Variants in B3GLCT observed in about 807,000 individuals in gnomAD.
The protein encoded by B3GLCT is beta 3-glucosyltransferase, also known as beta-1,3-glucosyltransferase.
B3GLCT carries 65 observed loss-of-function variants against 63.4 expected under a neutral mutation model. That is an observed-to-expected ratio of 1.03 (90% CI 0.84 to 1.26). The LOEUF is 1.26. Ranked by LOEUF, B3GLCT falls within the 50% of genes most tolerant of loss-of-function variation. B3GLCT has a pLI of 0.00. For synonymous variants in B3GLCT, 233 were observed against 219.2 expected, an observed-to-expected ratio of 1.06 and a Z score of -0.55; for missense variants, 577 against 604.8, an observed-to-expected ratio of 0.95 and a Z score of 0.48.
chr13:31,309,714 A>G (rs1477163982), intron 12 of B3GLCT, among the ~76,000 whole-genome samples: 1 of 152,232 alleles, frequency 6.6e-6, no homozygotes, highest in Non-Finnish European at 1.5e-5. Flanking sequence ...AGGAATCTGC[A>G]CATGTTTAGC....
chr13:31,277,855 A>G (rs1296975330), intron 10 of B3GLCT, among the ~76,000 whole-genome samples: 2 of 152,212 alleles, frequency 1.3e-5, no homozygotes, highest in African/African-American at 4.8e-5. Context: ...CTATTAAATC[A>G]GTCTATATGA....
At chr13:31,223,143 C>T (rs956898241) in intron 3 of B3GLCT, 152 bp downstream of exon 3, 2 of 629,238 alleles carry the variant, frequency 3.2e-6, no homozygotes, top group Non-Finnish European at 5.6e-6. Context: ...CGTTTGCTCT[C>T]CTGAAGATGT....
chr13:31,212,425 C>T (rs960454026), intron 1 of B3GLCT, among the ~76,000 whole-genome samples: 1 of 152,022 alleles, frequency 6.6e-6, no homozygotes, highest in African/African-American at 2.4e-5. Flanking sequence ...CAGACATCTG[C>T]CACCATGCCT....
At chr13:31,324,241 C>A (rs944318291) in intron 14 of B3GLCT, among the ~76,000 whole-genome samples, 4 of 152,230 alleles carry the variant, frequency 2.6e-5, no homozygotes, top group Non-Finnish European at 5.9e-5. Flanking sequence ...ATATATAGGA[C>A]TGACCTAATA....
rs771402098 is a variant in B3GLCT, at chr13:31,229,311, G to A, written c.270+17G>A. On this transcript the variant is annotated intron_variant, in intron 4 of 14. Transcript: ENST00000343307. ...CTTACACAGGTACGTAGCGATGGCT[G>A]GGGGGTCTGCCAGTTATGTATTTCT... The A allele has an allele frequency of 2.1e-6, 3 of 1,412,564 alleles. No individual in the cohort carries two copies. Among genetic ancestry groups the A allele is most frequent in the South Asian group, 1.2e-5 (1 of 86,926 alleles). 87.5% of individuals were successfully genotyped at this position (1,412,564 alleles called of 1,614,324 possible). A position where few individuals can be genotyped will look rare whatever the true frequency, so the allele number is the denominator to read the frequency against.
At position 31,241,237 on chromosome 13, in the gene B3GLCT, G is replaced by A. The variant is rs530325871; in HGVS notation, c.271-5786G>A. On this transcript the variant is annotated intron_variant, in intron 4 of 14. Coordinates refer to ENST00000343307, the MANE Select transcript of B3GLCT (RefSeq NM_194318.4). ...TGGGGCTCAGCCCATTAAGGCAGACGGAGGCCAGGTGCTCGGGCTTCCCAA... is the reference window on the plus strand; with the variant it reads ...TGGGGCTCAGCCCATTAAGGCAGACAGAGGCCAGGTGCTCGGGCTTCCCAA... 6.6e-5 allele frequency among the ~76,000 whole-genome samples: 10 copies of A among 152,354 alleles called. No homozygotes were observed. The South Asian group carries it at 1.4e-3, about 22-fold the overall frequency.
chr13:31,317,060 C>G (rs751662160), intron 12 of B3GLCT, among the ~76,000 whole-genome samples: 2 of 152,246 alleles, frequency 1.3e-5, no homozygotes, highest in African/African-American at 4.8e-5. Context: ...GATAGCCTCA[C>G]TGCCCAAATT....
At chr13:31,220,631 C>T (rs1289484658) in intron 2 of B3GLCT, among the ~76,000 whole-genome samples, 1 of 152,164 alleles carries the variant, frequency 6.6e-6, no homozygotes, top group Non-Finnish European at 1.5e-5. Flanking sequence ...TAGTCAAGAC[C>T]ATTTTGGTTC....
In B3GLCT at chr13:31,316,407, TTATATATATATA is replaced by T. The variant is rs71099949; in HGVS notation, c.1065-1146_1065-1135del. Among the ~76,000 whole-genome samples, 13 of 40,868 alleles carry T rather than the reference TTATATATATATA, an allele frequency of 3.2e-4. 3 individuals carry two copies. Among genetic ancestry groups the T allele is most frequent in the South Asian group, 1.2e-3 (1 of 844 alleles). 26.8% of individuals were successfully genotyped at this position (40,868 alleles called of 152,430 possible). On this transcript the variant is annotated intron_variant, in intron 12 of 14. Coordinates refer to ENST00000343307, the MANE Select transcript of B3GLCT (RefSeq NM_194318.4). Reference sequence around the variant, plus strand: ...TGGAATCAAGGAGATTTTGGAGGTTTTATATATATATATATATATATATAAATTTTTTTTTTT... The same window carrying T: ...TGGAATCAAGGAGATTTTGGAGGTTTTATATATATATAAATTTTTTTTTTT...
intron 10 of B3GLCT, 73 bp downstream of exon 10, chr13:31,276,844 T>C: frequency 8.7e-7 from 1 of 1,152,100 alleles, no homozygotes; most frequent in Non-Finnish European, 1.3e-6. Context: ...ACCAATGAAT[T>C]CTTGAGTGTA....
intron 6 of B3GLCT, among the ~76,000 whole-genome samples, chr13:31,253,618 A>AAAAAAAAAAAAAAAAAAAACAAAC (rs1555249042): frequency 3.6e-5 from 3 of 82,266 alleles, no homozygotes; most frequent in Non-Finnish European, 7.0e-5. Context: ...AAAAAAAAAA[A>AAAAAAAAAAAAAAAAAAAACAAAC]AAACTAGAGA....
intron 2 of B3GLCT, among the ~76,000 whole-genome samples, chr13:31,220,285 G>A (rs1869753183): frequency 6.6e-6 from 1 of 152,216 alleles, no homozygotes; most frequent in South Asian, 2.1e-4. Context: ...TGCAAGTGTT[G>A]TTCAAATCTT....
chr13:31,236,198 G>A (rs574876815), intron 4 of B3GLCT, among the ~76,000 whole-genome samples: 2 of 152,314 alleles, frequency 1.3e-5, no homozygotes, highest in Non-Finnish European at 2.9e-5. Flanking sequence ...AACACACACA[G>A]CATTAGAACC....
intron 4 of B3GLCT, among the ~76,000 whole-genome samples, chr13:31,231,954 C>T (rs754567936): frequency 6.6e-6 from 1 of 152,104 alleles, no homozygotes; most frequent in Non-Finnish European, 1.5e-5. Context: ...CTGAACTTGG[C>T]AGTTGTATTT....
At chr13:31,235,586 CCTGA>C (rs1388459227) in intron 4 of B3GLCT, among the ~76,000 whole-genome samples, 1 of 152,126 alleles carries the variant, frequency 6.6e-6, no homozygotes, top group Non-Finnish European at 1.5e-5. Flanking sequence ...TCTCAGACTG[CCTGA>C]CTAATTGGGA....
At chr13:31,321,065 C>T (rs889276200) in intron 13 of B3GLCT, among the ~76,000 whole-genome samples, 29 of 152,220 alleles carry the variant, frequency 1.9e-4, no homozygotes, top group African/African-American at 6.8e-4. Context: ...AAGGCAACAC[C>T]TGTGTGTTTC....
chr13:31,327,110 T>C (rs1185801131), intron 14 of B3GLCT, among the ~76,000 whole-genome samples: 3 of 152,228 alleles, frequency 2.0e-5, no homozygotes, highest in Non-Finnish European at 4.4e-5. Context: ...TTGGCTATAC[T>C]GAACCCTACG....
intron 9 of B3GLCT, among the ~76,000 whole-genome samples, chr13:31,276,051 G>A (rs1441400241): frequency 6.6e-6 from 1 of 152,152 alleles, no homozygotes; most frequent in African/African-American, 2.4e-5. Context: ...AAGGGCTTGG[G>A]TGTGTCTTGT....
At chr13:31,211,032 CA>C in intron 1 of B3GLCT, among the ~76,000 whole-genome samples, 1 of 152,298 alleles carries the variant, frequency 6.6e-6, no homozygotes. Flanking sequence ...CACGTGCCAC[CA>C]CGTCCGGCCA....
Sources: allele counts gnomAD v4.1 joint callset (sites outside exome capture counted in the v4.1 genomes callset), GRCh38; gene constraint gnomAD v4.1.1; transcripts MANE v1.5; gene names NCBI Gene and HGNC (gene_info 2026-07-23, HGNC 2026-07-21).